NLGN1: variants seen among roughly 807,000 people sequenced by gnomAD.
NLGN1 encodes neuroligin-1.
A neutral mutation model predicts 65.5 loss-of-function variants in NLGN1; 12 were observed. The ratio of observed to expected loss-of-function variants is 0.18; its 90% CI spans 0.12 to 0.30. The LOEUF (loss-of-function observed/expected upper bound fraction) is 0.30. NLGN1 is among the 10% of genes least tolerant of loss of function. NLGN1 has a pLI of 1.00. For missense variants in NLGN1, 750 were observed against 1,007.1 expected, an observed-to-expected ratio of 0.74 and a Z score of 3.46; for synonymous variants, 350 against 359.5, an observed-to-expected ratio of 0.97 and a Z score of 0.30.
chr3:173,753,996 AC>A (rs1776704520), intron 3 of NLGN1, among the ~76,000 whole-genome samples: 1 of 114,656 alleles, frequency 8.7e-6, no homozygotes, highest in African/African-American at 3.6e-5. Flanking sequence ...TTCTTCAAGT[AC>A]TTTTTTTTTC....
chr3:174,235,469 T>C (rs188896232), intron 4 of NLGN1, among the ~76,000 whole-genome samples: 1 of 152,288 alleles, frequency 6.6e-6, no homozygotes, highest in Non-Finnish European at 1.5e-5. Flanking sequence ...TGTGAGATAA[T>C]GTGATTCTAG....
chr3:174,160,709 C>G (rs1222887719), intron 4 of NLGN1, among the ~76,000 whole-genome samples: 1 of 150,794 alleles, frequency 6.6e-6, no homozygotes, highest in Non-Finnish European at 1.5e-5. Context: ...TGTATATTTT[C>G]TATTATAATA....
intron 4 of NLGN1, among the ~76,000 whole-genome samples, chr3:174,270,195 TTTC>T (rs1749135499): frequency 6.7e-6 from 1 of 150,348 alleles, no homozygotes; most frequent in Non-Finnish European, 1.5e-5. Flanking sequence ...TTTTTTTTTT[TTTC>T]CTGTGCTTTT....
At chr3:173,730,829 C>T (rs1051225792) in intron 3 of NLGN1, among the ~76,000 whole-genome samples, 5 of 152,038 alleles carry the variant, frequency 3.3e-5, no homozygotes, top group Admixed American at 6.6e-5. Flanking sequence ...AGCTTACTTA[C>T]GGAACATCAG....
chr3:173,545,106 C>T (rs866672563), intron 2 of NLGN1, among the ~76,000 whole-genome samples: 1 of 151,488 alleles, frequency 6.6e-6, no homozygotes, highest in Admixed American at 6.6e-5. Flanking sequence ...TGGAGTTTCA[C>T]TCTTGTCGCC....
chr3:173,696,800 T>G (rs944153002), intron 3 of NLGN1, among the ~76,000 whole-genome samples: 1 of 152,210 alleles, frequency 6.6e-6, no homozygotes, highest in Non-Finnish European at 1.5e-5. Context: ...AAAGTGTAAA[T>G]TTCTATGAAC....
chr3:173,974,093 G>A (rs530957649), intron 4 of NLGN1, among the ~76,000 whole-genome samples: 1 of 151,916 alleles, frequency 6.6e-6, no homozygotes, highest in East Asian at 1.9e-4. Flanking sequence ...GTAGCCTCAG[G>A]ATAAATAATC....
intron 2 of NLGN1, among the ~76,000 whole-genome samples, chr3:173,445,613 T>C (rs1333718833): frequency 6.6e-6 from 1 of 152,222 alleles, no homozygotes; most frequent in Non-Finnish European, 1.5e-5. Context: ...GTAATGGTTT[T>C]AGAGCCTGCT....
At chr3:174,180,430 G>C (rs949520944) in intron 4 of NLGN1, among the ~76,000 whole-genome samples, 1 of 152,128 alleles carries the variant, frequency 6.6e-6, no homozygotes, top group African/African-American at 2.4e-5. Context: ...GCTGTTTCTA[G>C]AGAAATGTCA....
intron 4 of NLGN1, among the ~76,000 whole-genome samples, chr3:174,023,964 A>G (rs1728300707): frequency 6.6e-6 from 1 of 152,096 alleles, no homozygotes; most frequent in Admixed American, 6.6e-5. Flanking sequence ...CTCTGATGAC[A>G]TGCAGAAGCT....
rs1192226340 is a variant in NLGN1 at position 173,445,263 on chromosome 3, G to A, written c.-321+10185G>A. ...AGCCTGGGCGACAGAGCGAGACTCC[G>A]TCTCAAAAAAAAAAAAAAAAAAAAA... On this transcript the variant is annotated intron_variant, in intron 2 of 6. Coordinates refer to ENST00000457714, the Ensembl canonical transcript of NLGN1. Among the ~76,000 whole-genome samples the A allele has an allele frequency of 1.8e-4, 14 of 79,120 alleles. No homozygotes were observed. In the South Asian group the frequency reaches 2.7e-3, roughly 15 times the overall value. The allele number at this position is 79,120 out of a possible 152,430, so 51.9% of individuals were successfully genotyped here. A position where few individuals can be genotyped will look rare whatever the true frequency, so the allele number is the denominator to read the frequency against.
chr3:174,281,814 A>G (rs1751572937), exon 7 of NLGN1: 1 of 153,146 alleles, frequency 6.5e-6, no homozygotes, highest in Non-Finnish European at 1.5e-5. Flanking sequence ...GAAATTTGCC[A>G]GTAAAACAAA....
intron 4 of NLGN1, among the ~76,000 whole-genome samples, chr3:174,147,489 A>G (rs899204994): frequency 1.6e-5 from 2 of 125,788 alleles, no homozygotes. Context: ...GCTGGAGTGC[A>G]AAAGAGCGAT....
intron 2 of NLGN1, among the ~76,000 whole-genome samples, chr3:173,449,406 G>C (rs1382637045): frequency 1.3e-5 from 2 of 152,106 alleles, no homozygotes; most frequent in Non-Finnish European, 2.9e-5. Context: ...GTTCTAGTTT[G>C]ATTGCACTGT....
chr3:173,432,902 A>G (rs1717439067), intron 1 of NLGN1, among the ~76,000 whole-genome samples: 1 of 152,108 alleles, frequency 6.6e-6, no homozygotes, highest in Admixed American at 6.5e-5. Context: ...CCTCATTACT[A>G]TGTGGGAACC....
intron 4 of NLGN1, among the ~76,000 whole-genome samples, chr3:174,162,791 C>T (rs949349292): frequency 2.0e-5 from 3 of 149,522 alleles, no homozygotes; most frequent in Admixed American, 1.4e-4. Flanking sequence ...GTTGTCATAG[C>T]CTATAATTCA....
At chr3:173,878,957 C>G (rs552928140) in intron 4 of NLGN1, among the ~76,000 whole-genome samples, 3 of 151,894 alleles carry the variant, frequency 2.0e-5, no homozygotes, top group South Asian at 2.1e-4. Flanking sequence ...TGAGGCTGGG[C>G]ATGGTGACTT....
At chr3:174,219,343 A>G (rs556474444) in intron 4 of NLGN1, among the ~76,000 whole-genome samples, 24 of 152,176 alleles carry the variant, frequency 1.6e-4, no homozygotes, top group Non-Finnish European at 3.4e-4. Context: ...TCCAGTCCTC[A>G]GTATCTTAAT....
chr3:173,632,849 G>GTTTTTTTTTTTTTT (rs5854526), intron 3 of NLGN1, among the ~76,000 whole-genome samples: 10 of 116,426 alleles, frequency 8.6e-5, no homozygotes, highest in Non-Finnish European at 1.1e-4. Flanking sequence ...TTTTTTTTTT[G>GTTTTTTTTTTTTTT]TTTTTTTTTT....
Sources: gnomAD v4.1 joint callset for allele counts (sites outside exome capture counted in the v4.1 genomes callset) on GRCh38, gnomAD v4.1.1 for gene constraint, MANE v1.5 for transcripts, NCBI Gene and HGNC (gene_info 2026-07-23, HGNC 2026-07-21) for gene names.